CNTN5: variants seen among roughly 807,000 people sequenced by gnomAD.
CNTN5 encodes the protein contactin 5, also known as contactin-5.
In CNTN5, 77 loss-of-function variants were observed where a neutral mutation model predicts 129.1. The observed-to-expected ratio is 0.60, with a 90% CI of 0.50 to 0.72. The LOEUF is 0.72. Ranked by LOEUF, CNTN5 falls within the 30% of genes least tolerant of loss-of-function variation. CNTN5 has a pLI of 0.00. For synonymous variants in CNTN5, 509 were observed against 465.6 expected, an observed-to-expected ratio of 1.09 and a Z score of -1.20; for missense variants, 1,478 against 1,328.8, an observed-to-expected ratio of 1.11 and a Z score of -1.75.
chr11:99,248,273 T>C (rs1312250787), intron 1 of CNTN5, among the ~76,000 whole-genome samples: 1 of 152,210 alleles, frequency 6.6e-6, no homozygotes, highest in Non-Finnish European at 1.5e-5. Flanking sequence ...TTGAGAAGTG[T>C]CTGTTCATAT....
chr11:99,480,010 A>T (rs1323116185), intron 2 of CNTN5, among the ~76,000 whole-genome samples: 1 of 111,992 alleles, frequency 8.9e-6, no homozygotes, highest in African/African-American at 3.2e-5. Context: ...AAACAGTTTC[A>T]TTGGCTAAAA....
At chr11:99,153,066 CCTTTAACATTT>C (rs1393819142) in intron 1 of CNTN5, among the ~76,000 whole-genome samples, 2 of 152,098 alleles carry the variant, frequency 1.3e-5, no homozygotes, top group Admixed American at 6.6e-5. Flanking sequence ...TCTCTAGCTG[CCTTTAACATTT>C]CTTCTTTTGT....
At chr11:99,312,908 G>C (rs1046777141) in intron 1 of CNTN5, among the ~76,000 whole-genome samples, 1 of 151,730 alleles carries the variant, frequency 6.6e-6, no homozygotes, top group African/African-American at 2.4e-5. Context: ...AAAAGTGAAG[G>C]AGACAAGATT....
At chr11:99,601,288 G>A (rs1385530912) in intron 3 of CNTN5, among the ~76,000 whole-genome samples, 1 of 151,988 alleles carries the variant, frequency 6.6e-6, no homozygotes, top group Admixed American at 6.6e-5. Context: ...CCTTTCTGAG[G>A]GTTCTGTCTT....
At chr11:100,205,770 A>G (rs751699730) in intron 15 of CNTN5, among the ~76,000 whole-genome samples, 19 of 152,124 alleles carry the variant, frequency 1.2e-4, no homozygotes, top group Non-Finnish European at 2.5e-4. Context: ...AATTTAAAGT[A>G]TACTGTAGAG....
intron 9 of CNTN5, among the ~76,000 whole-genome samples, chr11:100,044,955 T>G (rs538766348): frequency 7.3e-4 from 111 of 152,060 alleles, no homozygotes; most frequent in Non-Finnish European, 1.5e-3. Flanking sequence ...ACTGAAATCC[T>G]CAGGGTTTTT....
At position 100,241,774 on chromosome 11, in the gene CNTN5, C is replaced by T. The variant is rs1407723463; in HGVS notation, c.2006-13986C>T. Among the ~76,000 whole-genome samples, 5 of 152,094 alleles carry T rather than the reference C, an allele frequency of 3.3e-5. No homozygotes were observed. In the South Asian group the frequency reaches 6.2e-4, roughly 19 times the overall value. On this transcript the variant is annotated intron_variant, in intron 16 of 24. Transcript: ENST00000524871. ...AAAATAATCATGCTCTAAGTAAGAC[C>T]GCAAGAGACCAGCATGCAAAGGATC...
At chr11:100,204,098 C>T (rs1460957713) in intron 15 of CNTN5, among the ~76,000 whole-genome samples, 3 of 150,742 alleles carry the variant, frequency 2.0e-5, no homozygotes. Flanking sequence ...AACATTTGCT[C>T]AGTTTTTTTT....
At chr11:100,227,655 GA>G (rs1383200090) in intron 16 of CNTN5, among the ~76,000 whole-genome samples, 1 of 152,124 alleles carries the variant, frequency 6.6e-6, no homozygotes, top group Non-Finnish European at 1.5e-5. Flanking sequence ...GCATAATCTG[GA>G]GAACCATAAT....
At chr11:99,264,355 T>C (rs995789038) in intron 1 of CNTN5, among the ~76,000 whole-genome samples, 3 of 152,022 alleles carry the variant, frequency 2.0e-5, no homozygotes, top group Non-Finnish European at 2.9e-5. Flanking sequence ...TTGTTGAAAT[T>C]AATTAAATGT....
intron 16 of CNTN5, among the ~76,000 whole-genome samples, chr11:100,245,099 G>A (rs914095984): frequency 1.3e-5 from 2 of 152,062 alleles, no homozygotes; most frequent in East Asian, 3.9e-4. Context: ...TTCATGACAG[G>A]AAGTTAAGCA....
At chr11:99,306,746 GATAATAATA>G (rs3084742) in intron 1 of CNTN5, among the ~76,000 whole-genome samples, 30,118 of 146,966 alleles carry the variant, frequency 0.2, 3,228 homozygotes, top group African/African-American at 0.27. Context: ...AAATAATGAT[GATAATAATA>G]ATAATAATAA....
At chr11:99,452,370 G>GTTTT (rs1591082459) in intron 2 of CNTN5, among the ~76,000 whole-genome samples, 5 of 79,302 alleles carry the variant, frequency 6.3e-5, no homozygotes, top group Non-Finnish European at 8.1e-5. Flanking sequence ...CTAAACACAG[G>GTTTT]TGTTTTTTTT....
At chr11:99,626,927 GTAAAT>G (rs574861803) in intron 3 of CNTN5, among the ~76,000 whole-genome samples, 2 of 152,196 alleles carry the variant, frequency 1.3e-5, no homozygotes, top group East Asian at 1.9e-4. Context: ...GAAGAAAATG[GTAAAT>G]TAAAGTACCA....
chr11:100,110,176 G>C (rs1489364650), intron 13 of CNTN5, among the ~76,000 whole-genome samples: 1 of 143,072 alleles, frequency 7.0e-6, no homozygotes, highest in Admixed American at 7.0e-5. Context: ...GACAGAGTGA[G>C]ACCCTATCTA....
intron 1 of CNTN5, among the ~76,000 whole-genome samples, chr11:99,294,603 AT>A (rs2135929070): frequency 6.6e-6 from 1 of 152,318 alleles, no homozygotes; most frequent in East Asian, 1.9e-4. Context: ...CCTTAAAAAA[AT>A]CTACAGATCC....
intron 18 of CNTN5, among the ~76,000 whole-genome samples, chr11:100,282,758 G>T (rs887848438): frequency 2.6e-5 from 4 of 152,176 alleles, no homozygotes; most frequent in African/African-American, 9.7e-5. Context: ...AGTCTACTTG[G>T]TGTTCTATTG....
intron 2 of CNTN5, among the ~76,000 whole-genome samples, chr11:99,495,518 G>A: frequency 6.6e-6 from 1 of 152,168 alleles, no homozygotes; most frequent in East Asian, 1.9e-4. Flanking sequence ...AGAAATAGCA[G>A]TTTTCATGGC....
chr11:99,126,109 G>T (rs1402180928), intron 1 of CNTN5, among the ~76,000 whole-genome samples: 1 of 152,094 alleles, frequency 6.6e-6, no homozygotes, highest in Non-Finnish European at 1.5e-5. Flanking sequence ...GTTCTATAGG[G>T]ATATTAAATC....
Sources: gnomAD v4.1 joint callset for allele counts (sites outside exome capture counted in the v4.1 genomes callset) on GRCh38, gnomAD v4.1.1 for gene constraint, MANE v1.5 for transcripts, NCBI Gene and HGNC (gene_info 2026-07-23, HGNC 2026-07-21) for gene names.